The following DTX1 variants were observed in gnomAD, a reference collection of about 807,000 sequenced individuals.
The protein encoded by DTX1 is E3 ubiquitin-protein ligase DTX1.
In DTX1, 26 loss-of-function variants were observed where a neutral mutation model predicts 57.8. That is an observed-to-expected ratio of 0.45 (90% CI 0.33 to 0.62). The LOEUF is 0.62. Ranked by LOEUF, DTX1 falls within the 20% of genes least tolerant of loss-of-function variation. DTX1 has a pLI of 0.02. For synonymous variants in DTX1, 398 were observed against 394.1 expected (o/e 1.01, Z -0.12); for missense variants, 704 against 895.3 (o/e 0.79, Z 2.73).
chr12:113,071,993 G>T lies in DTX1; in HGVS notation c.260-5431G>T, dbSNP rs543921893. Among the ~76,000 whole-genome samples, 7 of 152,330 alleles carry T rather than the reference G, an allele frequency of 4.6e-5. No individual in the cohort carries two copies. The South Asian group carries it at 1.5e-3, about 32-fold the overall frequency. ...AGGCCTGGGCTAGCTGGCCCTGACG[G>T]GCTCCCAGAGTCCTTTGCTGCAGAG... On this transcript the variant is annotated intron_variant, in intron 2 of 9. Transcript: ENST00000548759.
At chr12:113,095,542 A>G (rs1950283400) in intron 9 of DTX1, 128 bp downstream of exon 9, 4 of 1,178,156 alleles carry the variant, frequency 3.4e-6, no homozygotes, top group Non-Finnish European at 4.8e-6. Flanking sequence ...GCAGCACCCG[A>G]ACAGTAACGA....
At chr12:113,075,074 A>G (rs185340479) in intron 2 of DTX1, among the ~76,000 whole-genome samples, 11 of 152,310 alleles carry the variant, frequency 7.2e-5, no homozygotes, top group Admixed American at 5.2e-4. Context: ...ATCAGAGTAG[A>G]CACGGTATTT....
At chr12:113,074,051 T>G (rs2044753903) in intron 2 of DTX1, among the ~76,000 whole-genome samples, 1 of 152,128 alleles carries the variant, frequency 6.6e-6, no homozygotes, top group African/African-American at 2.4e-5. Flanking sequence ...GCCAACATGG[T>G]GAAATCCCGT....
In DTX1 at chr12:113,058,049, C is replaced by T. The variant is rs2044641039; in HGVS notation, c.-144C>T. ...ATTCCTTTAACGGAGGTCTCTAGGC[C>T]TCAGAGAGAACCCAGAGTTAGAAAG... On this transcript the variant is annotated 5_prime_UTR_variant, in exon 2 of 10. Transcript: ENST00000548759. 1 of 1,348,720 alleles carries T rather than the reference C, an allele frequency of 7.4e-7. No homozygotes were observed. Among genetic ancestry groups the T allele is most frequent in the Non-Finnish European group, 9.8e-7 (1 of 1,020,746 alleles). 83.5% of individuals were successfully genotyped at this position (1,348,720 alleles called of 1,614,324 possible). A position where few individuals can be genotyped will look rare whatever the true frequency, so the allele number is the denominator to read the frequency against.
intron 2 of DTX1, among the ~76,000 whole-genome samples, chr12:113,060,035 T>C (rs1466474004): frequency 2.6e-5 from 4 of 152,138 alleles, no homozygotes; most frequent in Non-Finnish European, 4.4e-5. Context: ...TCTGCAATGA[T>C]TGAACTTTCC....
chr12:113,065,199 G>C (rs1315667974), intron 2 of DTX1, among the ~76,000 whole-genome samples: 1 of 152,172 alleles, frequency 6.6e-6, no homozygotes, highest in African/African-American at 2.4e-5. Flanking sequence ...TGGAGCAGGT[G>C]GGGCAGGGGC....
At chr12:113,087,195 A>G (rs2044867347) in intron 3 of DTX1, among the ~76,000 whole-genome samples, 1 of 151,982 alleles carries the variant, frequency 6.6e-6, no homozygotes, top group Admixed American at 6.6e-5. Context: ...ACACCTCAAA[A>G]TGTCTCCCGA....
rs11372823 is a variant in DTX1, at chr12:113,092,326, T to TAA, written c.942-824_942-823dup. ...ATTTCACGGAATCCTCACAGCAGAT[T>TAA]AAAAAAAAAAAAAGGTACCATATTG... On this transcript the variant is annotated intron_variant, in intron 3 of 9. Coordinates refer to ENST00000548759, the MANE Select transcript of DTX1 (RefSeq NM_004416.3). 7.0e-4 allele frequency among the ~76,000 whole-genome samples: 102 copies of TAA among 145,608 alleles called. 1 individual carries two copies. The highest frequency in any genetic ancestry group is 2.2e-3 in the East Asian group (11 of 4,998).
Position 113,096,760 on chromosome 12 carries a change from A to G in DTX1, c.1684A>G (p.Thr562Ala), listed in dbSNP as rs1387741449. The G allele has an allele frequency of 6.2e-7, 1 of 1,613,762 alleles. No individual in the cohort carries two copies. The highest frequency in any genetic ancestry group is 8.5e-7 in the Non-Finnish European group (1 of 1,180,010). ...ITAWERRLIF[T>A]IGTSNTTGES... ...GGCCTGGGAGAGAAGACTCATCTTCACTATCGGCACGTCCAACACCACGGG... is the reference window on the plus strand; with the variant it reads ...GGCCTGGGAGAGAAGACTCATCTTCGCTATCGGCACGTCCAACACCACGGG... The change falls in exon 10 of 10, where the codon ACT becomes GCT. Residue 562 changes from threonine (T) to alanine (A), a missense_variant. By Grantham distance (58) the Thr-to-Ala change is moderately conservative. Around this residue, in one of 3 missense-constraint regions of DTX1, gnomAD observed 168 missense variants for 255.6 expected, o/e 0.66. Coordinates refer to ENST00000548759, the MANE Select transcript of DTX1 (RefSeq NM_004416.3).
rs771815949 is a variant in DTX1 at position 113,095,354 on chromosome 12, G to C, written c.1578G>C (p.Lys526Asn). 2 of 1,614,074 alleles carry C rather than the reference G, an allele frequency of 1.2e-6. No individual in the cohort carries two copies. The highest frequency in any genetic ancestry group is 1.7e-6 in the Non-Finnish European group (2 of 1,180,046). The change falls in exon 9 of 10, where the codon AAG becomes AAC. Residue 526 changes from lysine to asparagine, a missense_variant. Coordinates refer to ENST00000548759, the MANE Select transcript of DTX1 (RefSeq NM_004416.3). ...CTGAGCACCCCAACCCCGGGAAGAA[G>C]TTCACCGCAAGAGGATTCCCTCGCC... is the stretch of plus-strand genomic sequence containing the variant. ...QGPEHPNPGK[K>N]FTARGFPRHC...
At chr12:113,072,828 T>A (rs1220583502) in intron 2 of DTX1, among the ~76,000 whole-genome samples, 2 of 150,384 alleles carry the variant, frequency 1.3e-5, no homozygotes, top group Non-Finnish European at 3.0e-5. Context: ...CTTAGCCTCC[T>A]GAGTAACTGG....
chr12:113,063,226 T>C (rs1778819171), intron 2 of DTX1, among the ~76,000 whole-genome samples: 1 of 152,184 alleles, frequency 6.6e-6, no homozygotes, highest in South Asian at 2.1e-4. Context: ...CCAGGAGCCA[T>C]CAGGGTCTTG....
rs570392928 is a variant in DTX1, at chr12:113,057,925, C to T, written c.-268C>T. On this transcript the variant is annotated 5_prime_UTR_variant, in exon 2 of 10. Transcript: ENST00000548759. ...GGGGCCAAGGACTTTAGAGCTGTTT[C>T]CTCCGGCATAAGAGAGACACTTGCT... The T allele has an allele frequency of 2.3e-3, 1,197 of 529,788 alleles. 3 individuals are homozygous for T. The highest frequency in any genetic ancestry group is 3.4e-3 in the Non-Finnish European group (1,046 of 308,992). 32.8% of individuals were successfully genotyped at this position (529,788 alleles called of 1,614,324 possible). A position where few individuals can be genotyped will look rare whatever the true frequency, so the allele number is the denominator to read the frequency against.
intron 3 of DTX1, among the ~76,000 whole-genome samples, chr12:113,089,419 T>C (rs972832602): frequency 7.3e-5 from 11 of 150,948 alleles, no homozygotes; most frequent in Non-Finnish European, 1.3e-4. Flanking sequence ...CTGGTCAGAG[T>C]AGATTTCGGG....
chr12:113,079,848 C>T (rs1047876909), intron 3 of DTX1, among the ~76,000 whole-genome samples: 10 of 152,078 alleles, frequency 6.6e-5, no homozygotes, highest in African/African-American at 2.4e-4. Context: ...CATGAGCCAC[C>T]ATGCCCGGCC....
chr12:113,092,307 C>T (rs980151177), intron 3 of DTX1, among the ~76,000 whole-genome samples: 14 of 143,538 alleles, frequency 9.8e-5, no homozygotes, highest in Middle Eastern at 3.5e-3. Context: ...TATAATTTCA[C>T]GGAATCCTCA....
At chr12:113,076,810 T>C (rs896445629) in intron 2 of DTX1, among the ~76,000 whole-genome samples, 4 of 152,182 alleles carry the variant, frequency 2.6e-5, no homozygotes, top group African/African-American at 7.2e-5. Context: ...CATGAACAGA[T>C]TGATGAATGA....
chr12:113,086,929 C>T (rs181578992), intron 3 of DTX1, among the ~76,000 whole-genome samples: 3 of 151,472 alleles, frequency 2.0e-5, no homozygotes, highest in Non-Finnish European at 4.4e-5. Context: ...CCCTGCCCCC[C>T]ACCTGAAGCA....
chr12:113,073,537 T>A (rs1018326572), intron 2 of DTX1, among the ~76,000 whole-genome samples: 12 of 152,276 alleles, frequency 7.9e-5, no homozygotes, highest in South Asian at 2.1e-4. Flanking sequence ...CCTCTCCACC[T>A]CTTCAACCCC....
Sources: allele counts gnomAD v4.1 joint callset (sites outside exome capture counted in the v4.1 genomes callset), GRCh38; gene constraint gnomAD v4.1.1; regional missense constraint gnomAD v4.1.1; transcripts MANE v1.5; gene names NCBI Gene and HGNC (gene_info 2026-07-23, HGNC 2026-07-21).